Variants in TMPRSS15 observed in about 807,000 individuals in gnomAD.
TMPRSS15 encodes the protein enteropeptidase.
Under a neutral mutation model 125.3 loss-of-function variants are expected in TMPRSS15, and 128 were observed. The ratio of observed to expected loss-of-function variants is 1.02; its 90% confidence interval spans 0.89 to 1.18. TMPRSS15 has a LOEUF of 1.18. TMPRSS15 is among the 50% of genes most tolerant of loss of function. The pLI, the probability that TMPRSS15 is intolerant of heterozygous loss-of-function variation, is 0.00. For synonymous variants in TMPRSS15, 446 were observed against 423.2 expected (o/e 1.05, Z -0.66); for missense variants, 1,283 against 1,212.7 (o/e 1.06, Z -0.86).
chr21:18,379,243 C>G, intron 5 of TMPRSS15, 40 bp downstream of exon 5: 1 of 1,113,430 alleles, frequency 9.0e-7, no homozygotes, highest in African/African-American at 1.6e-5. Flanking sequence ...TAAGAGAAAA[C>G]TTTCTTTCAA....
intron 17 of TMPRSS15, 23 bp from the exon 18 acceptor site, chr21:18,313,100 G>C: frequency 6.4e-7 from 1 of 1,561,562 alleles, no homozygotes; most frequent in Non-Finnish European, 8.8e-7. Context: ...AGAGCATAAT[G>C]GTAGTTACCA....
At chr21:18,408,434 C>T (rs562535103), upstream of TMPRSS15, among the ~76,000 whole-genome samples, 17 of 152,184 alleles carry the variant, frequency 1.1e-4, no homozygotes, top group South Asian at 2.7e-3. Flanking sequence ...ATGTATTCTT[C>T]GTCAAAAATA....
chr21:18,329,360 T>C, intron 14 of TMPRSS15, 66 bp from the exon 15 acceptor site: 1 of 1,481,048 alleles, frequency 6.8e-7, no homozygotes, highest in Non-Finnish European at 9.2e-7. Context: ...AGCTTCACTC[T>C]CTTGAGAATT....
At chr21:18,337,679 G>A (rs1295835691) in intron 13 of TMPRSS15, among the ~76,000 whole-genome samples, 1 of 152,146 alleles carries the variant, frequency 6.6e-6, no homozygotes, top group African/African-American at 2.4e-5. Flanking sequence ...GGAGGAAACT[G>A]AGCGTTATTA....
intron 1 of TMPRSS15, among the ~76,000 whole-genome samples, chr21:18,423,761 A>G (rs1316669201): frequency 6.6e-6 from 1 of 152,058 alleles, no homozygotes; most frequent in Non-Finnish European, 1.5e-5. Flanking sequence ...CCGCTTCCCT[A>G]GTGATACACT....
At chr21:18,356,328 A>G (rs1222942350) in intron 8 of TMPRSS15, among the ~76,000 whole-genome samples, 1 of 151,802 alleles carries the variant, frequency 6.6e-6, no homozygotes, top group Non-Finnish European at 1.5e-5. Context: ...TATAAGAGTG[A>G]AAATGCGGCA....
intron 15 of TMPRSS15, 29 bp from the exon 16 acceptor site, chr21:18,326,601 T>C (rs1357696699): frequency 6.2e-7 from 1 of 1,613,636 alleles, no homozygotes; most frequent in African/African-American, 1.3e-5. Context: ...AGATAATCAG[T>C]GAGATGATCC....
intron 1 of TMPRSS15, among the ~76,000 whole-genome samples, chr21:18,471,500 G>A (rs1390411734): frequency 6.6e-6 from 1 of 151,610 alleles, no homozygotes; most frequent in East Asian, 1.9e-4. Context: ...GCATAATATG[G>A]TGTTTTTCCT....
chr21:18,386,024 T>G (rs1268833086), intron 3 of TMPRSS15, among the ~76,000 whole-genome samples: 1 of 152,184 alleles, frequency 6.6e-6, no homozygotes, highest in African/African-American at 2.4e-5. Flanking sequence ...ATTACAGGCA[T>G]GAGCCACCAT....
At chr21:18,481,120 A>T (rs1197494740) in intron 1 of TMPRSS15, among the ~76,000 whole-genome samples, 1 of 151,820 alleles carries the variant, frequency 6.6e-6, no homozygotes, top group Non-Finnish European at 1.5e-5. Flanking sequence ...ACCATTTGGC[A>T]ACTGTGTCCT....
At chr21:18,475,298 TG>T (rs1338152822) in intron 1 of TMPRSS15, among the ~76,000 whole-genome samples, 2 of 152,040 alleles carry the variant, frequency 1.3e-5, no homozygotes, top group African/African-American at 4.8e-5. Context: ...TCAGATGTAA[TG>T]AAACATAAAG....
intron 16 of TMPRSS15, among the ~76,000 whole-genome samples, chr21:18,317,838 C>CCATCCCATCCCATCT (rs1284889048): frequency 8.8e-4 from 17 of 19,428 alleles, no homozygotes; most frequent in Non-Finnish European, 1.4e-3. Flanking sequence ...CCATCCTATT[C>CCATCCCATCCCATCT]CATCCCATCC....
chr21:18,399,257 A>G (rs562001867), intron 1 of TMPRSS15, among the ~76,000 whole-genome samples: 4 of 152,130 alleles, frequency 2.6e-5, no homozygotes, highest in Non-Finnish European at 5.9e-5. Flanking sequence ...GTCTTAGGCA[A>G]CAGATCTGGA....
intron 3 of TMPRSS15, among the ~76,000 whole-genome samples, chr21:18,388,681 C>T (rs1279897248): frequency 1.3e-5 from 2 of 152,126 alleles, no homozygotes; most frequent in East Asian, 3.8e-4. Flanking sequence ...TACTGCAGCT[C>T]TCCAGACTCA....
At chr21:18,358,300 T>A (rs1362799425) in intron 8 of TMPRSS15, among the ~76,000 whole-genome samples, 1 of 151,838 alleles carries the variant, frequency 6.6e-6, no homozygotes, top group Non-Finnish European at 1.5e-5. Flanking sequence ...ATCACCTACA[T>A]AATTGGTTTG....
At chr21:18,283,551 A>T (rs2012735324) in intron 21 of TMPRSS15, among the ~76,000 whole-genome samples, 1 of 151,654 alleles carries the variant, frequency 6.6e-6, no homozygotes, top group Admixed American at 6.6e-5. Flanking sequence ...TATGTATATA[A>T]ATTATCTATA....
chr21:18,346,341 G>C (rs928183211), intron 10 of TMPRSS15, among the ~76,000 whole-genome samples: 2 of 151,914 alleles, frequency 1.3e-5, no homozygotes, highest in African/African-American at 2.4e-5. Context: ...CTATTCCAAG[G>C]CATCCCATTC....
chr21:18,353,736 G>A lies in TMPRSS15; in HGVS notation c.1008C>T (p.Ser336=). 6.2e-7 allele frequency: 1 copy of A among 1,610,706 alleles called. No homozygotes were observed. Among genetic ancestry groups the A allele is most frequent in the Non-Finnish European group, 8.5e-7 (1 of 1,177,932 alleles). Residue 336 remains serine (S), a synonymous_variant, in exon 9 of 25, where the codon AGC becomes AGT. Transcript: ENST00000284885. ...AATAATACTTACTATTAAGCTCACT[G>A]CTGTTAAATGCAGTATATGTTGCAT... The part of the protein sequence containing the change: ...GFNATYTAFN[S]SELNNYEKIN...
chr21:18,455,319 A>G lies in TMPRSS15; in HGVS notation c.10+30480T>C, dbSNP rs73895624. ...AAAATACATAGCTTTTCTTAGGGGC[A>G]TAGGAGATAGACAAATTTTAATGTT... On this transcript the variant is annotated intron_variant, in intron 1 of 7. Transcript: ENST00000422787. Among the ~76,000 whole-genome samples, 1,254 of 152,288 alleles carry G rather than the reference A, an allele frequency of 8.2e-3. 16 individuals carry two copies. Among genetic ancestry groups the G allele is most frequent in the African/African-American group, 0.029 (1,198 of 41,566 alleles).
Sources: gnomAD v4.1 joint callset for allele counts (sites outside exome capture counted in the v4.1 genomes callset) on GRCh38, gnomAD v4.1.1 for gene constraint, MANE v1.5 for transcripts, NCBI Gene and HGNC (gene_info 2026-07-23, HGNC 2026-07-21) for gene names.